The following RIOX2 variants were observed in gnomAD, a reference collection of about 807,000 sequenced individuals.
RIOX2 encodes ribosomal oxygenase 2.
A neutral mutation model predicts 51.2 loss-of-function variants in RIOX2; 43 were observed. The ratio of observed to expected loss-of-function variants is 0.84; its 90% CI spans 0.66 to 1.08. RIOX2 has a LOEUF of 1.08. Ranked by LOEUF, RIOX2 falls within the 50% of genes least tolerant of loss-of-function variation. RIOX2 has a pLI of 0.00. For missense variants in RIOX2, 566 were observed against 561.7 expected (o/e 1.01, Z -0.08); for synonymous variants, 226 against 218.5 (o/e 1.03, Z -0.30).
chr3:97,943,587 A>C lies in RIOX2; in HGVS notation c.*1597T>G. The C allele has an allele frequency of 2.6e-6, 1 of 378,038 alleles. No homozygotes were observed. Among genetic ancestry groups the C allele is most frequent in the Non-Finnish European group, 4.7e-6 (1 of 212,624 alleles). The allele number at this position is 378,038 out of a possible 1,614,324, so 23.4% of individuals were successfully genotyped here. On this transcript the variant is annotated 3_prime_UTR_variant, in exon 10 of 10. Transcript: ENST00000394198. ...CCAGCTGTGGTGAGCAAGTTTCCTG[A>C]AGTGTTTATTTTCTCTCATATCCAC... is the stretch of plus-strand genomic sequence containing the variant.
intron 3 of RIOX2, among the ~76,000 whole-genome samples, chr3:97,960,287 C>T (rs188632650): frequency 1.3e-5 from 2 of 152,298 alleles, no homozygotes; most frequent in East Asian, 1.9e-4. Flanking sequence ...TTCAGATGGA[C>T]GATTCAGCTT....
chr3:97,946,586 G>GTGTATATATATATATA (rs143245408), intron 8 of RIOX2, among the ~76,000 whole-genome samples: 1 of 127,634 alleles, frequency 7.8e-6, no homozygotes, highest in African/African-American at 3.3e-5. Flanking sequence ...TTTTGAGGAT[G>GTGTATATATATATATA]TATATATATA....
chr3:97,945,278 G>C lies in RIOX2; in HGVS notation c.1304C>G (p.Ala435Gly). Residue 435 changes from alanine (A) to glycine (G), a missense_variant, in exon 10 of 10, where the codon GCT becomes GGT. Ala to Gly is a moderately conservative substitution (Grantham distance 60). Coordinates refer to ENST00000394198, the MANE Select transcript of RIOX2 (RefSeq NM_153182.4). ...DALKQIWNSPAISVKDLKLTT... is the reference protein window; with the variant it reads ...DALKQIWNSPGISVKDLKLTT... ...AAGTTTCAGGTCCTTGACAGAAATA[G>C]CTGGACTATTCCAAATTTGCTTCAG... is the stretch of plus-strand genomic sequence containing the variant. 1 of 1,612,580 alleles carries C rather than the reference G, an allele frequency of 6.2e-7. No homozygotes were observed. Among genetic ancestry groups the C allele is most frequent in the South Asian group, 1.1e-5 (1 of 90,986 alleles).
chr3:97,964,140 C>G (rs1705786507), intron 2 of RIOX2, among the ~76,000 whole-genome samples: 1 of 152,152 alleles, frequency 6.6e-6, no homozygotes, highest in African/African-American at 2.4e-5. Flanking sequence ...GTGGAAGTCT[C>G]TCTCCCGGCT....
chr3:97,969,558 T>C (rs1706040651), intron 1 of RIOX2, among the ~76,000 whole-genome samples: 1 of 152,194 alleles, frequency 6.6e-6, no homozygotes, highest in Non-Finnish European at 1.5e-5. Context: ...TGGCTCACCA[T>C]GCCTAAAATG....
In RIOX2 at chr3:97,945,161, A is replaced by G; in HGVS notation, c.*23T>C. 1.3e-6 allele frequency: 2 copies of G among 1,581,820 alleles called. No individual in the cohort carries two copies. Among genetic ancestry groups the G allele is most frequent in the Non-Finnish European group, 1.7e-6 (2 of 1,166,580 alleles). ...TTTTAATATATGCATATAAAATAGT[A>G]GGCATTTGATTCTGCAAAGGCACTA... On this transcript the variant is annotated 3_prime_UTR_variant, in exon 10 of 10. Transcript: ENST00000394198.
At chr3:97,947,303 G>A (rs1270430425) in intron 8 of RIOX2, 58 bp downstream of exon 8, 1 of 1,311,802 alleles carries the variant, frequency 7.6e-7, no homozygotes, top group African/African-American at 1.5e-5. Flanking sequence ...AATAACCTGA[G>A]GCCTCTGATG....
At chr3:97,962,356 A>AAAC (rs1705712650) in intron 2 of RIOX2, among the ~76,000 whole-genome samples, 1 of 70,200 alleles carries the variant, frequency 1.4e-5, no homozygotes, top group Non-Finnish European at 2.7e-5. Flanking sequence ...GAATGCTAAG[A>AAAC]CCCCCCCCCC....
chr3:97,943,349 A>G lies in RIOX2; in HGVS notation c.*1835T>C, dbSNP rs80041210. The G allele has an allele frequency of 3.1e-3, 3,782 of 1,220,702 alleles. 85 individuals are homozygous for G. In the African/African-American group the frequency reaches 0.049, roughly 16 times the overall value. 75.6% of individuals were successfully genotyped at this position (1,220,702 alleles called of 1,614,324 possible). ...CATCCCTAGAAAGATCCCTAGAAAGAGCAAAGAAGGAAACACATCTGTCAT... is the reference window on the plus strand; with the variant it reads ...CATCCCTAGAAAGATCCCTAGAAAGGGCAAAGAAGGAAACACATCTGTCAT... On this transcript the variant is annotated 3_prime_UTR_variant, in exon 10 of 10. Coordinates refer to ENST00000394198, the MANE Select transcript of RIOX2 (RefSeq NM_153182.4).
chr3:97,957,230 G>C (rs1045545632), intron 4 of RIOX2, among the ~76,000 whole-genome samples: 2 of 152,178 alleles, frequency 1.3e-5, no homozygotes, highest in Non-Finnish European at 2.9e-5. Flanking sequence ...CAGGCGCAGT[G>C]GCTCACGCCT....
intron 5 of RIOX2, among the ~76,000 whole-genome samples, chr3:97,952,536 G>A (rs1002784878): frequency 1.3e-5 from 2 of 152,194 alleles, no homozygotes; most frequent in Non-Finnish European, 2.9e-5. Flanking sequence ...AACAGAAGCT[G>A]AAGAAGGAAC....
intron 8 of RIOX2, 94 bp downstream of exon 8, chr3:97,947,264 AAAG>A: frequency 1.6e-5 from 14 of 895,556 alleles, no homozygotes; most frequent in Non-Finnish European, 2.5e-5. Context: ...GTGGATTCCT[AAAG>A]AAGGGCAGAG....
At chr3:97,945,727 C>A in intron 9 of RIOX2, 71 bp downstream of exon 9, 1 of 1,214,446 alleles carries the variant, frequency 8.2e-7, no homozygotes, top group South Asian at 1.3e-5. Flanking sequence ...ACCTGTAAAT[C>A]AAAAATAATC....
chr3:97,947,596 T>C (rs1459103562), intron 7 of RIOX2, 147 bp from the exon 8 acceptor site: 3 of 641,590 alleles, frequency 4.7e-6, no homozygotes, highest in African/African-American at 1.8e-5. Flanking sequence ...AAGAATTTGC[T>C]TACCCCAACA....
chr3:97,958,617 G>GCAA (rs1032407134), intron 4 of RIOX2, among the ~76,000 whole-genome samples: 11 of 152,160 alleles, frequency 7.2e-5, no homozygotes, highest in Non-Finnish European at 1.0e-4. Flanking sequence ...TGGAATTTTA[G>GCAA]CAACAACAAC....
At chr3:97,954,080 G>A (rs1407039069) in intron 5 of RIOX2, 1 of 257,744 alleles carries the variant, frequency 3.9e-6, no homozygotes, top group African/African-American at 2.1e-5. Context: ...GAGAGAGTAT[G>A]AGCCCAGCCT....
At chr3:97,960,612 G>A (rs1705641438) in intron 3 of RIOX2, among the ~76,000 whole-genome samples, 1 of 152,174 alleles carries the variant, frequency 6.6e-6, no homozygotes, top group South Asian at 2.1e-4. Flanking sequence ...AATGAAAGAT[G>A]AGAAATGCAT....
At chr3:97,954,526 G>C (rs1440168249) in intron 4 of RIOX2, 31 bp from the exon 5 acceptor site, 3 of 1,557,748 alleles carry the variant, frequency 1.9e-6, no homozygotes, top group Non-Finnish European at 2.7e-6. Context: ...GGGTAGAGAA[G>C]TTAATAAGTA....
intron 4 of RIOX2, 85 bp downstream of exon 4, chr3:97,958,966 T>C: frequency 6.9e-7 from 1 of 1,446,564 alleles, no homozygotes; most frequent in Non-Finnish European, 9.2e-7. Context: ...ACACGAACTC[T>C]AAACCTTGAG....
Sources: allele counts gnomAD v4.1 joint callset (sites outside exome capture counted in the v4.1 genomes callset), GRCh38; gene constraint gnomAD v4.1.1; transcripts MANE v1.5; gene names NCBI Gene and HGNC (gene_info 2026-07-23, HGNC 2026-07-21).